Variants in PCGF2 observed in about 807,000 individuals in gnomAD.
The protein encoded by PCGF2 is polycomb group RING finger protein 2.
A neutral mutation model predicts 36.1 loss-of-function variants in PCGF2; 8 were observed. The ratio of observed to expected loss-of-function variants is 0.22; its 90% CI spans 0.13 to 0.40. The LOEUF is 0.40. Ranked by LOEUF, PCGF2 falls within the 10% of genes least tolerant of loss-of-function variation. The pLI is 1.00. For missense variants in PCGF2, 436 were observed against 475.9 expected (o/e 0.92, Z 0.78); for synonymous variants, 198 against 191.2 (o/e 1.04, Z -0.29).
At position 38,747,864 on chromosome 17, in the gene PCGF2, C is replaced by T. The variant is rs1907641441; in HGVS notation, c.-41+15G>A. 1 of 152,750 alleles carries T rather than the reference C, an allele frequency of 6.5e-6. No homozygotes were observed. Among genetic ancestry groups the T allele is most frequent in the South Asian group, 2.1e-4 (1 of 4,840 alleles). 9.5% of individuals were successfully genotyped at this position (152,750 alleles called of 1,614,324 possible). The stretch of plus-strand genomic sequence containing the variant: ...GCAAGCCCTCCCGGCTGCCCCGGAC[C>T]TTCCCCCTCGCTACCTCGGAACAGG... On this transcript the variant is annotated intron_variant, in intron 2 of 10. Transcript: ENST00000620225.
In PCGF2 at chr17:38,739,714, G is replaced by C; in HGVS notation, c.113-32C>G. 1.3e-6 allele frequency: 2 copies of C among 1,542,708 alleles called. No individual in the cohort carries two copies. The highest frequency in any genetic ancestry group is 1.8e-6 in the Non-Finnish European group (2 of 1,115,166). On this transcript the variant is annotated intron_variant, in intron 3 of 10. Transcript: ENST00000620225. The surrounding 1 kb of genome is among the most constrained non-coding windows in gnomAD (Gnocchi z 4.0). ...GGTGTGGAGAGAGAGAGGAGAGTCA[G>C]AGCCAACTTCCAACTCCAGGACCAG...
intron 10 of PCGF2, 89 bp from the exon 11 acceptor site, chr17:38,735,689 A>G (rs1567938598): frequency 2.8e-6 from 4 of 1,444,644 alleles, no homozygotes; most frequent in Non-Finnish European, 3.6e-6. Flanking sequence ...TCCACCCCAC[A>G]GTGTCCAAAC....
upstream of PCGF2, chr17:38,748,433 A>C (rs890410153): frequency 6.6e-6 from 1 of 151,760 alleles, no homozygotes; most frequent in Non-Finnish European, 1.5e-5. Flanking sequence ...TTTCCTCCAG[A>C]CAAGAGTAGG....
At chr17:38,738,316 C>T in intron 9 of PCGF2, 37 bp downstream of exon 9, 6 of 1,521,792 alleles carry the variant, frequency 3.9e-6, no homozygotes, top group Non-Finnish European at 5.5e-6. Flanking sequence ...CACACCCATA[C>T]ACAGACACTC....
chr17:38,735,491 C>G lies in PCGF2; in HGVS notation c.767G>C (p.Cys256Ser). 1 of 1,593,632 alleles carries G rather than the reference C, an allele frequency of 6.3e-7. No homozygotes were observed. The highest frequency in any genetic ancestry group is 8.5e-7 in the Non-Finnish European group (1 of 1,170,410). ...EGTNTSGASECESVSDKAPSP... is the reference protein window; with the variant it reads ...EGTNTSGASESESVSDKAPSP... ...GGGAGCCTTGTCGCTGACTGACTCA[C>G]ACTCGGACGCCCCGCTGGTGTTGGT... Residue 256 changes from cysteine to serine, a missense_variant, in exon 11 of 11, where the codon TGT (cysteine) becomes TCT (serine). Transcript: ENST00000620225.
At position 38,740,452 on chromosome 17, in the gene PCGF2, G is replaced by A. The variant is rs747220412; in HGVS notation, c.-40-10C>T. The A allele has an allele frequency of 7.8e-6, 12 of 1,532,668 alleles. No homozygotes were observed. The highest frequency in any genetic ancestry group is 2.5e-5 in the East Asian group (1 of 40,206). The allele number at this position is 1,532,668 out of a possible 1,614,324, so 94.9% of individuals were successfully genotyped here. On this transcript the variant is annotated splice_polypyrimidine_tract_variant and intron_variant, in intron 2 of 10. Coordinates refer to ENST00000620225, the MANE Select transcript of PCGF2 (RefSeq NM_007144.3). ...ACTGGGGAGCGTTGCCCTGGGAAAC[G>A]GAAGTGGAATCAGAAACCCAGAGTT...
At chr17:38,740,167 C>G (rs976083576) in intron 3 of PCGF2, 124 bp downstream of exon 3, 10 of 794,676 alleles carry the variant, frequency 1.3e-5, no homozygotes, top group African/African-American at 1.0e-4. Context: ...GGATTCCCAG[C>G]AGACACGTGG....
In PCGF2 at chr17:38,734,962, AT is replaced by A. The variant is rs1906564555; in HGVS notation, c.*260del. On this transcript the variant is annotated 3_prime_UTR_variant, in exon 11 of 11. Transcript: ENST00000620225. The stretch of plus-strand genomic sequence containing the variant: ...TTACACAAGACCCCCCCCAAAAAAA[AT>A]GAACACCATTTTCCACACATACACA... The A allele has an allele frequency of 7.0e-6, 2 of 285,010 alleles. No homozygotes were observed. Among genetic ancestry groups the A allele is most frequent in the South Asian group, 1.7e-4 (1 of 6,048 alleles). 17.7% of individuals were successfully genotyped at this position (285,010 alleles called of 1,614,324 possible).
Position 38,736,141 on chromosome 17 carries a change from C to A in PCGF2, c.606G>T (p.Leu202=). The change falls in exon 10 of 11, where the codon CTG becomes CTT. Residue 202 remains leucine, a synonymous_variant. Transcript: ENST00000620225. The stretch of plus-strand genomic sequence containing the variant: ...TGTCCATGAGGGTGTAGTATTCCTT[C>A]AGTGGCTCGTCCTCGTACAGAACCT... ...KVEVLYEDEP[L]KEYYTLMDIA... 1 of 1,582,506 alleles carries A rather than the reference C, an allele frequency of 6.3e-7. No individual in the cohort carries two copies. The highest frequency in any genetic ancestry group is 8.6e-7 in the Non-Finnish European group (1 of 1,164,194).
intron 9 of PCGF2, among the ~76,000 whole-genome samples, chr17:38,737,837 G>A (rs1250756743): frequency 1.7e-4 from 25 of 151,046 alleles, no homozygotes; most frequent in African/African-American, 3.9e-4. Context: ...GCTTGAATCC[G>A]GTAGGCGGAG....
chr17:38,746,931 A>T (rs1907569531), intron 2 of PCGF2, among the ~76,000 whole-genome samples: 1 of 152,058 alleles, frequency 6.6e-6, no homozygotes, highest in Admixed American at 6.5e-5. Flanking sequence ...GAGGAGAGAA[A>T]TTAAAGAGTT....
chr17:38,738,998 G>T (rs887076588), intron 6 of PCGF2, 70 bp downstream of exon 6: 1 of 1,570,910 alleles, frequency 6.4e-7, no homozygotes, highest in Non-Finnish European at 8.8e-7. Context: ...AGAGGGTGAG[G>T]GGTAGCGCTA....
chr17:38,734,375 C>G lies in PCGF2; in HGVS notation c.*848G>C, dbSNP rs1906509499. On this transcript the variant is annotated 3_prime_UTR_variant, in exon 11 of 11. Coordinates refer to ENST00000620225, the MANE Select transcript of PCGF2 (RefSeq NM_007144.3). ...CCCCAGGTGAGACTCCACCACCAGT[C>G]CTGCTAGTGAGGGTTCCCCGGTGAG... is the stretch of plus-strand genomic sequence containing the variant. 2.0e-5 allele frequency: 3 copies of G among 152,528 alleles called. No individual in the cohort carries two copies. The South Asian group carries it at 6.2e-4, about 32-fold the overall frequency. The allele number at this position is 152,528 out of a possible 1,614,324, so 9.4% of individuals were successfully genotyped here.
intron 9 of PCGF2, 35 bp downstream of exon 9, chr17:38,738,318 C>A: frequency 6.5e-7 from 1 of 1,544,700 alleles, no homozygotes; most frequent in Non-Finnish European, 8.9e-7. Context: ...CACCCATACA[C>A]AGACACTCAT....
At position 38,740,408 on chromosome 17, in the gene PCGF2, C is replaced by T. The variant is rs182900980; in HGVS notation, c.-6G>A. The T allele has an allele frequency of 3.5e-3, 4,569 of 1,301,654 alleles. 9 individuals are homozygous for T. Among genetic ancestry groups the T allele is most frequent in the Non-Finnish European group, 3.9e-3 (3,804 of 979,122 alleles). The allele number at this position is 1,301,654 out of a possible 1,614,324, so 80.6% of individuals were successfully genotyped here. A position where few individuals can be genotyped will look rare whatever the true frequency, so the allele number is the denominator to read the frequency against. ...ATCCGTGTAGTCCGATGCATGATTCCGGGGTCGGGGGTGGGGGGACTGGGG... is the reference window on the plus strand; with the variant it reads ...ATCCGTGTAGTCCGATGCATGATTCTGGGGTCGGGGGTGGGGGGACTGGGG... On this transcript the variant is annotated 5_prime_UTR_variant, in exon 3 of 11. Coordinates refer to ENST00000620225, the MANE Select transcript of PCGF2 (RefSeq NM_007144.3).
chr17:38,741,562 C>T (rs1478824200), intron 2 of PCGF2, among the ~76,000 whole-genome samples: 4 of 152,186 alleles, frequency 2.6e-5, no homozygotes, highest in African/African-American at 2.4e-5. Context: ...ACAGGCTACC[C>T]TAAGTTAGAA....
chr17:38,740,101 C>T (rs1291063962), intron 3 of PCGF2, among the ~76,000 whole-genome samples, 190 bp downstream of exon 3: 1 of 152,244 alleles, frequency 6.6e-6, no homozygotes, highest in Admixed American at 6.5e-5. Flanking sequence ...AAATGAACTT[C>T]TGGGCTGATG....
chr17:38,739,542 G>A lies in PCGF2; in HGVS notation c.209+44C>T. On this transcript the variant is annotated intron_variant, in intron 4 of 10. Transcript: ENST00000620225. The surrounding 1 kb of genome is among the most constrained non-coding windows in gnomAD (Gnocchi z 4.0). Reference sequence around the variant, plus strand: ...GAGCGTGGGAGGGATGGGGGAGGCTGACCCAGAGGATCGCGGGGACAGGAG... The same window carrying A: ...GAGCGTGGGAGGGATGGGGGAGGCTAACCCAGAGGATCGCGGGGACAGGAG... 1.4e-6 allele frequency: 2 copies of A among 1,447,696 alleles called. No homozygotes were observed. The highest frequency in any genetic ancestry group is 2.3e-5 in the South Asian group (2 of 87,880). The allele number at this position is 1,447,696 out of a possible 1,614,324, so 89.7% of individuals were successfully genotyped here.
chr17:38,749,340 C>A, upstream of PCGF2: 1 of 244,898 alleles, frequency 4.1e-6, no homozygotes, highest in South Asian at 4.1e-5. The surrounding 1 kb of genome is among the most constrained non-coding windows in gnomAD (Gnocchi z 6.5). Context: ...GGGCCCGACT[C>A]CCACTGGCGC....
Sources: allele counts gnomAD v4.1 joint callset (sites outside exome capture counted in the v4.1 genomes callset), GRCh38; gene constraint gnomAD v4.1.1; non-coding constraint Gnocchi (gnomAD v3.1); transcripts MANE v1.5; gene names NCBI Gene and HGNC (gene_info 2026-07-23, HGNC 2026-07-21).